The following MCC variants were observed in gnomAD, a reference collection of about 807,000 sequenced individuals.
MCC encodes the protein MCC regulator of Wnt signaling pathway, also known as colorectal mutant cancer protein.
In MCC, 90 loss-of-function variants were observed where a neutral mutation model predicts 116.2. The ratio of observed to expected loss-of-function variants is 0.77; its 90% CI spans 0.65 to 0.92. The LOEUF is 0.92. MCC is among the 40% of genes least tolerant of loss of function. The pLI is 0.00. For missense variants in MCC, 1,516 were observed against 1,312.2 expected, an observed-to-expected ratio of 1.16 and a Z score of -2.40; for synonymous variants, 578 against 510.5, an observed-to-expected ratio of 1.13 and a Z score of -1.78.
intron 1 of MCC, among the ~76,000 whole-genome samples, chr5:113,409,043 G>A (rs762926073): frequency 1.3e-4 from 20 of 152,186 alleles, no homozygotes; most frequent in Non-Finnish European, 2.4e-4. Context: ...AGTAATAAAT[G>A]CCAATTTATC....
chr5:113,118,949 A>G (rs765634027), intron 6 of MCC, among the ~76,000 whole-genome samples: 25 of 152,186 alleles, frequency 1.6e-4, no homozygotes, highest in Admixed American at 7.2e-4. Flanking sequence ...CAGTTCCCAG[A>G]TTCCTGCTCG....
At chr5:113,077,932 A>T (rs554547384) in intron 11 of MCC, among the ~76,000 whole-genome samples, 1 of 151,738 alleles carries the variant, frequency 6.6e-6, no homozygotes, top group East Asian at 1.9e-4. Flanking sequence ...AGAAGAAAAG[A>T]GATGAATCAA....
intron 3 of MCC, among the ~76,000 whole-genome samples, chr5:113,197,261 C>G (rs183327080): frequency 2.6e-5 from 4 of 151,988 alleles, no homozygotes; most frequent in Admixed American, 6.6e-5. Flanking sequence ...AGTTTTCAGA[C>G]CCCCAATTTT....
intron 3 of MCC, among the ~76,000 whole-genome samples, chr5:113,237,006 T>A (rs1173467336): frequency 6.6e-6 from 1 of 152,076 alleles, no homozygotes; most frequent in East Asian, 1.9e-4. Flanking sequence ...GTTGAAAAAA[T>A]TGAGAAGGAA....
intron 14 of MCC, 83 bp from the exon 15 acceptor site, chr5:113,054,042 C>T: frequency 1.0e-6 from 1 of 990,066 alleles, no homozygotes; most frequent in East Asian, 2.4e-5. Context: ...CACTCTTCTC[C>T]ACATTCCCTC....
chr5:113,310,752 T>C lies in MCC; in HGVS notation c.627+29767A>G, dbSNP rs558668745. The stretch of plus-strand genomic sequence containing the variant: ...CTACTATTTGGGAGAATTTGGGAAT[T>C]TGAAAAAACACAAAATGGATAACAA... On this transcript the variant is annotated intron_variant, in intron 3 of 18. Transcript: ENST00000408903. 3.0e-4 allele frequency among the ~76,000 whole-genome samples: 45 copies of C among 152,340 alleles called. 1 individual carries two copies. The highest frequency in any genetic ancestry group is 9.6e-4 in the African/African-American group (40 of 41,580).
At chr5:113,108,920 G>GCACTTGAC (rs1399772789) in intron 6 of MCC, among the ~76,000 whole-genome samples, 1 of 152,192 alleles carries the variant, frequency 6.6e-6, no homozygotes, top group Non-Finnish European at 1.5e-5. Context: ...TGACCAGTTG[G>GCACTTGAC]CACTTGACTG....
chr5:113,146,384 C>A (rs1422163530), intron 4 of MCC, among the ~76,000 whole-genome samples: 2 of 8,244 alleles, frequency 2.4e-4, no homozygotes, highest in African/African-American at 6.0e-4. Flanking sequence ...CTTCCTCCCC[C>A]AGCTCCCTGA....
At chr5:113,190,891 C>T (rs189936218) in intron 3 of MCC, among the ~76,000 whole-genome samples, 57 of 152,282 alleles carry the variant, frequency 3.7e-4, no homozygotes, top group African/African-American at 1.3e-3. Flanking sequence ...GCCCCATTAC[C>T]ATGTGCATGG....
intron 3 of MCC, among the ~76,000 whole-genome samples, chr5:113,257,370 G>C (rs1202170333): frequency 6.6e-6 from 1 of 152,092 alleles, no homozygotes. Context: ...AAGGAACCCA[G>C]GAATAATGGG....
intron 3 of MCC, among the ~76,000 whole-genome samples, chr5:113,224,446 T>C (rs1434181012): frequency 2.0e-5 from 3 of 152,170 alleles, no homozygotes; most frequent in African/African-American, 7.2e-5. Flanking sequence ...TTTTCTTTAT[T>C]CAAAGTCTGA....
chr5:113,420,715 C>T (rs1270389480), intron 1 of MCC, among the ~76,000 whole-genome samples: 1 of 152,142 alleles, frequency 6.6e-6, no homozygotes, highest in African/African-American at 2.4e-5. Flanking sequence ...CCAAGGGTCT[C>T]TCAAATCGGG....
At chr5:113,211,515 T>C (rs1763134637) in intron 3 of MCC, among the ~76,000 whole-genome samples, 1 of 152,192 alleles carries the variant, frequency 6.6e-6, no homozygotes. Flanking sequence ...ATCTTCTACA[T>C]AGCCACTGGC....
chr5:113,470,410 G>A (rs1411669345), intron 1 of MCC, among the ~76,000 whole-genome samples: 4 of 150,806 alleles, frequency 2.7e-5, no homozygotes, highest in Non-Finnish European at 6.0e-5. Flanking sequence ...TTGCTTGTCT[G>A]TAAAGTATTT....
At chr5:113,233,547 TGAGAA>T (rs1300226054) in intron 3 of MCC, among the ~76,000 whole-genome samples, 4 of 152,160 alleles carry the variant, frequency 2.6e-5, no homozygotes, top group Non-Finnish European at 5.9e-5. Context: ...ATCTAATGAT[TGAGAA>T]AAGGAATAAA....
At chr5:113,325,256 C>T (rs1357913916) in intron 3 of MCC, among the ~76,000 whole-genome samples, 1 of 152,006 alleles carries the variant, frequency 6.6e-6, no homozygotes, top group African/African-American at 2.4e-5. Context: ...AAACTCTAAC[C>T]AATCCTAACC....
chr5:113,130,506 TC>T (rs1287231702), intron 5 of MCC, among the ~76,000 whole-genome samples: 1 of 152,096 alleles, frequency 6.6e-6, no homozygotes, highest in African/African-American at 2.4e-5. Context: ...CAATATACCT[TC>T]TTGAGAGCCT....
chr5:113,176,484 C>T (rs1013221491), intron 3 of MCC, among the ~76,000 whole-genome samples: 2 of 152,264 alleles, frequency 1.3e-5, no homozygotes, highest in African/African-American at 4.8e-5. Context: ...CCTCAACACA[C>T]AGAGCAAGAC....
rs114123929 is a variant in MCC, at chr5:113,259,919, G to A, written c.627+80600C>T. On this transcript the variant is annotated intron_variant, in intron 3 of 18. Coordinates refer to ENST00000408903, the MANE Select transcript of MCC (RefSeq NM_001085377.2). ...AATGCAATATTTTTCTCAGGTAAGT[G>A]TTTATTTCTTAAAAAAAGTCAAGTC... Among the ~76,000 whole-genome samples the A allele has an allele frequency of 4.0e-3, 603 of 152,208 alleles. 5 individuals are homozygous for A. The highest frequency in any genetic ancestry group is 0.013 in the African/African-American group (557 of 41,532).
Sources: allele counts gnomAD v4.1 joint callset (sites outside exome capture counted in the v4.1 genomes callset), GRCh38; gene constraint gnomAD v4.1.1; transcripts MANE v1.5; gene names NCBI Gene and HGNC (gene_info 2026-07-23, HGNC 2026-07-21).